The following DLGAP2 variants were observed in gnomAD, a reference collection of about 807,000 sequenced individuals.
DLGAP2 encodes disks large-associated protein 2.
A neutral mutation model predicts 100.3 loss-of-function variants in DLGAP2; 26 were observed. That is an observed-to-expected ratio of 0.26 (90% confidence interval 0.19 to 0.36). The LOEUF is 0.36. Ranked by LOEUF, DLGAP2 falls within the 10% of genes least tolerant of loss-of-function variation. The pLI, the probability that DLGAP2 is intolerant of heterozygous loss-of-function variation, is 1.00. For missense variants in DLGAP2, 1,858 were observed against 1,453.2 expected (o/e 1.28, Z -4.53); for synonymous variants, 886 against 630.1 (o/e 1.41, Z -6.08).
intron 2 of DLGAP2, among the ~76,000 whole-genome samples, chr8:1,256,487 T>C (rs1289737713): frequency 2.7e-5 from 4 of 145,680 alleles, no homozygotes; most frequent in African/African-American, 1.0e-4. Context: ...GGGTGCTGTG[T>C]GTGTGTCCTC....
chr8:1,653,233 G>A (rs538528662), intron 8 of DLGAP2, among the ~76,000 whole-genome samples: 9 of 152,128 alleles, frequency 5.9e-5, no homozygotes, highest in Admixed American at 4.6e-4. Context: ...CTGGAGACAC[G>A]GGCAGCACGT....
intron 3 of DLGAP2, among the ~76,000 whole-genome samples, chr8:1,429,039 C>G (rs572956177): frequency 1.3e-5 from 2 of 152,304 alleles, no homozygotes; most frequent in African/African-American, 4.8e-5. Flanking sequence ...TTGGGCAGCA[C>G]CAGACTGCAA....
intron 3 of DLGAP2, among the ~76,000 whole-genome samples, chr8:1,462,459 G>T (rs922194033): frequency 3.8e-5 from 4 of 106,042 alleles, no homozygotes; most frequent in Non-Finnish European, 8.0e-5. Context: ...TGGCCAGGAG[G>T]AGGGAGAAGG....
chr8:1,214,875 C>T (rs1221319078), intron 2 of DLGAP2, among the ~76,000 whole-genome samples: 4 of 152,250 alleles, frequency 2.6e-5, no homozygotes, highest in Admixed American at 2.6e-4. Flanking sequence ...GTGTTTTCCA[C>T]ATTTGTGGCC....
At chr8:1,259,947 A>G (rs1348127344) in intron 3 of DLGAP2, 1 of 152,234 alleles carries the variant, frequency 6.6e-6, no homozygotes, top group Non-Finnish European at 1.5e-5. Flanking sequence ...TCCATGGTAA[A>G]GTCAGTCACT....
chr8:909,255 A>G (rs1056976861), intron 2 of DLGAP2, among the ~76,000 whole-genome samples: 7 of 152,350 alleles, frequency 4.6e-5, no homozygotes, highest in Admixed American at 3.3e-4. Context: ...GTAAAAATGT[A>G]TGAAAAAGTC....
chr8:1,630,847 G>A (rs755936316), intron 7 of DLGAP2, among the ~76,000 whole-genome samples: 1 of 152,020 alleles, frequency 6.6e-6, no homozygotes, highest in Admixed American at 6.6e-5. Context: ...GCTGCACTCT[G>A]CTTGGGTTTC....
intron 2 of DLGAP2, among the ~76,000 whole-genome samples, chr8:1,074,739 G>T (rs746248884): frequency 6.6e-6 from 1 of 152,172 alleles, no homozygotes; most frequent in Admixed American, 6.5e-5. Context: ...TGACCAGGTC[G>T]TCAAGGCGTG....
chr8:1,043,873 G>T (rs546755377), intron 2 of DLGAP2, among the ~76,000 whole-genome samples: 4 of 152,216 alleles, frequency 2.6e-5, no homozygotes, highest in Admixed American at 1.3e-4. Context: ...AAGCAAGCGT[G>T]CCTCGCTGCT....
chr8:940,738 A>G (rs1261737909), intron 2 of DLGAP2, among the ~76,000 whole-genome samples: 1 of 152,178 alleles, frequency 6.6e-6, no homozygotes, highest in Non-Finnish European at 1.5e-5. Flanking sequence ...AAAAATTTAA[A>G]ATAGTTTTCT....
At chr8:1,458,054 A>T (rs1798371287) in intron 3 of DLGAP2, among the ~76,000 whole-genome samples, 3 of 145,260 alleles carry the variant, frequency 2.1e-5, no homozygotes, top group South Asian at 2.1e-4. Context: ...ATATATATAT[A>T]TGTATATGTA....
intron 6 of DLGAP2, 72 bp downstream of exon 6, chr8:1,565,966 T>A (rs984158602): frequency 2.2e-6 from 3 of 1,353,052 alleles, no homozygotes; most frequent in Non-Finnish European, 3.0e-6. Flanking sequence ...CCAAAACCAC[T>A]TCACCGTGAG....
chr8:1,024,435 G>A (rs1420556000), intron 2 of DLGAP2, among the ~76,000 whole-genome samples: 9 of 146,970 alleles, frequency 6.1e-5, no homozygotes, highest in Middle Eastern at 3.8e-3. Context: ...CACCCCAGCC[G>A]CCACCCACCC....
At chr8:747,516 G>A (rs62484232) in intron 1 of DLGAP2, among the ~76,000 whole-genome samples, 2 of 145,838 alleles carry the variant, frequency 1.4e-5, no homozygotes, top group Admixed American at 6.8e-5. Context: ...GGACACAGGC[G>A]GCTGGAGGGT....
At chr8:1,032,619 TA>T (rs1802007836) in intron 2 of DLGAP2, 2 of 152,218 alleles carry the variant, frequency 1.3e-5, no homozygotes, top group African/African-American at 4.8e-5. Flanking sequence ...TACCATGCCC[TA>T]AAAGTGAGAT....
At chr8:1,105,744 A>C (rs760020069) in intron 2 of DLGAP2, among the ~76,000 whole-genome samples, 12 of 145,314 alleles carry the variant, frequency 8.3e-5, no homozygotes, top group Non-Finnish European at 1.3e-4. Flanking sequence ...GGGCCATTCT[A>C]GGAGGGTTTT....
intron 2 of DLGAP2, among the ~76,000 whole-genome samples, chr8:1,013,045 T>C (rs1313658269): frequency 6.6e-6 from 1 of 152,192 alleles, no homozygotes; most frequent in South Asian, 2.1e-4. Flanking sequence ...AGCTCACAGA[T>C]GCTGGGGTCT....
intron 1 of DLGAP2, among the ~76,000 whole-genome samples, chr8:794,688 T>C (rs1795989240): frequency 6.6e-6 from 1 of 152,244 alleles, no homozygotes; most frequent in Non-Finnish European, 1.5e-5. Flanking sequence ...AGGGCCATTA[T>C]GAATATGTTA....
chr8:1,597,277 T>C (rs1305680887), intron 6 of DLGAP2, among the ~76,000 whole-genome samples: 1 of 152,226 alleles, frequency 6.6e-6, no homozygotes, highest in Non-Finnish European at 1.5e-5. Context: ...CCTTGTAGTA[T>C]AGTTTGAAGT....
Sources: gnomAD v4.1 joint callset for allele counts (sites outside exome capture counted in the v4.1 genomes callset) on GRCh38, gnomAD v4.1.1 for gene constraint, MANE v1.5 for transcripts, NCBI Gene and HGNC (gene_info 2026-07-23, HGNC 2026-07-21) for gene names.